GPC6: variants seen among roughly 807,000 people sequenced by gnomAD.
The protein encoded by GPC6 is glypican-6.
A neutral mutation model predicts 55.2 loss-of-function variants in GPC6; 14 were observed. The ratio of observed to expected loss-of-function variants is 0.25; its 90% CI spans 0.17 to 0.40. GPC6 has a LOEUF of 0.40. Among genes scored for constraint, GPC6 ranks in the 10% least tolerant of loss-of-function variants. GPC6 has a pLI of 1.00. For synonymous variants in GPC6, 278 were observed against 259.6 expected, an observed-to-expected ratio of 1.07 and a Z score of -0.68; for missense variants, 641 against 708.5, an observed-to-expected ratio of 0.90 and a Z score of 1.08.
At chr13:93,694,242 T>C (rs1465075069) in intron 2 of GPC6, among the ~76,000 whole-genome samples, 1 of 152,134 alleles carries the variant, frequency 6.6e-6, no homozygotes, top group Non-Finnish European at 1.5e-5. Context: ...TTTATGTGCA[T>C]AGACAGGGCC....
chr13:94,046,221 A>C (rs1359197304), intron 4 of GPC6, among the ~76,000 whole-genome samples: 1 of 152,034 alleles, frequency 6.6e-6, no homozygotes, highest in Admixed American at 6.6e-5. Flanking sequence ...TTAGAATTAC[A>C]TGTATAAAAT....
At chr13:94,131,638 CAG>C (rs1887004850) in intron 4 of GPC6, among the ~76,000 whole-genome samples, 1 of 152,048 alleles carries the variant, frequency 6.6e-6, no homozygotes. Flanking sequence ...AGTTCAAAAA[CAG>C]AGATGACACG....
At chr13:93,641,099 A>G (rs1438870437) in intron 2 of GPC6, among the ~76,000 whole-genome samples, 1 of 151,994 alleles carries the variant, frequency 6.6e-6, no homozygotes, top group African/African-American at 2.4e-5. Flanking sequence ...CACAAACCTT[A>G]TATTTTATAC....
intron 2 of GPC6, among the ~76,000 whole-genome samples, chr13:93,612,500 A>AACACACACAC (rs3138575): frequency 0.11 from 14,874 of 139,136 alleles, 930 homozygotes; most frequent in Non-Finnish European, 0.14. Flanking sequence ...CTCCGTCTAA[A>AACACACACAC]ACACACACAC....
chr13:94,135,109 T>C (rs1887136607), intron 4 of GPC6, among the ~76,000 whole-genome samples: 1 of 152,152 alleles, frequency 6.6e-6, no homozygotes, highest in Non-Finnish European at 1.5e-5. Flanking sequence ...TGAGACTCAT[T>C]GACATAGTAC....
At chr13:93,225,156 G>A (rs1875727262), upstream of GPC6, among the ~76,000 whole-genome samples, 1 of 152,176 alleles carries the variant, frequency 6.6e-6, no homozygotes, top group South Asian at 2.1e-4. Context: ...CCAGGATAAG[G>A]TGGTAGGACA....
At chr13:93,730,890 C>T (rs1463571941) in intron 2 of GPC6, among the ~76,000 whole-genome samples, 2 of 152,072 alleles carry the variant, frequency 1.3e-5, no homozygotes, top group Non-Finnish European at 2.9e-5. Context: ...ATGCAGGTGG[C>T]TGGTAGAAGA....
chr13:93,620,485 G>A (rs1230874002), intron 2 of GPC6, among the ~76,000 whole-genome samples: 4 of 152,270 alleles, frequency 2.6e-5, no homozygotes, highest in Admixed American at 6.5e-5. Context: ...TTTAGCTATA[G>A]AATGCCTCTA....
At chr13:93,950,845 G>A (rs1447187521) in intron 3 of GPC6, among the ~76,000 whole-genome samples, 1 of 151,770 alleles carries the variant, frequency 6.6e-6, no homozygotes, top group Admixed American at 6.6e-5. Flanking sequence ...ATTCATAAAG[G>A]AGAAACCACA....
chr13:94,191,177 C>T (rs952701267), intron 4 of GPC6, among the ~76,000 whole-genome samples: 2 of 152,136 alleles, frequency 1.3e-5, no homozygotes, highest in African/African-American at 2.4e-5. Flanking sequence ...GAAGCTCTCT[C>T]ATTATTTATA....
At chr13:93,946,877 A>T (rs1005363879) in intron 3 of GPC6, among the ~76,000 whole-genome samples, 2 of 152,108 alleles carry the variant, frequency 1.3e-5, no homozygotes, top group African/African-American at 4.8e-5. Flanking sequence ...AGCACTTCTA[A>T]GTGTTTTCTC....
At chr13:94,305,855 T>C in intron 5 of GPC6, 125 bp from the exon 6 acceptor site, 1 of 880,676 alleles carries the variant, frequency 1.1e-6, no homozygotes, top group Admixed American at 1.7e-5. Context: ...ATTTCAAAAT[T>C]AGAGTTTATT....
intron 1 of GPC6, among the ~76,000 whole-genome samples, chr13:93,530,760 A>G (rs907499734): frequency 6.6e-6 from 1 of 152,142 alleles, no homozygotes; most frequent in African/African-American, 2.4e-5. Context: ...TTTTATTAAT[A>G]GTTATACTCT....
chr13:93,929,139 A>T (rs535565261), intron 3 of GPC6, among the ~76,000 whole-genome samples: 1 of 152,116 alleles, frequency 6.6e-6, no homozygotes, highest in Non-Finnish European at 1.5e-5. Context: ...TGCTTTCATG[A>T]TTCATACCTG....
At chr13:93,627,893 C>T (rs1044702405) in intron 2 of GPC6, among the ~76,000 whole-genome samples, 2 of 152,122 alleles carry the variant, frequency 1.3e-5, no homozygotes, top group Non-Finnish European at 2.9e-5. Context: ...TATTAGATAT[C>T]TCTCAACACA....
At chr13:93,785,642 A>T (rs885192) in intron 2 of GPC6, among the ~76,000 whole-genome samples, 31 of 151,886 alleles carry the variant, frequency 2.0e-4, no homozygotes, top group Admixed American at 3.3e-4. Flanking sequence ...AACTTTATTC[A>T]CTAGACATTT....
At chr13:93,431,024 T>C (rs1877337327) in intron 1 of GPC6, among the ~76,000 whole-genome samples, 1 of 151,178 alleles carries the variant, frequency 6.6e-6, no homozygotes, top group East Asian at 1.9e-4. Context: ...ATTACGTGTT[T>C]GGAGAACAAT....
At chr13:94,357,442 A>G (rs1452134829) in intron 6 of GPC6, among the ~76,000 whole-genome samples, 1 of 152,128 alleles carries the variant, frequency 6.6e-6, no homozygotes, top group Non-Finnish European at 1.5e-5. Context: ...GGACCATCTG[A>G]TGCTCCGCGG....
At chr13:94,231,138 G>A (rs2139013271) in intron 4 of GPC6, among the ~76,000 whole-genome samples, 1 of 152,262 alleles carries the variant, frequency 6.6e-6, no homozygotes, top group Non-Finnish European at 1.5e-5. Flanking sequence ...TATACTAGAT[G>A]TTCTGCAAAG....
Sources: gnomAD v4.1 joint callset for allele counts (sites outside exome capture counted in the v4.1 genomes callset) on GRCh38, gnomAD v4.1.1 for gene constraint, MANE v1.5 for transcripts, NCBI Gene and HGNC (gene_info 2026-07-23, HGNC 2026-07-21) for gene names.